SGTA: variants seen among roughly 807,000 people sequenced by gnomAD.
SGTA encodes the protein small glutamine-rich tetratricopeptide repeat-containing protein alpha.
A neutral mutation model predicts 44.3 loss-of-function variants in SGTA; 22 were observed. The ratio of observed to expected loss-of-function variants is 0.50; its 90% CI spans 0.36 to 0.71. The LOEUF is 0.71. Among genes scored for constraint, SGTA ranks in the 30% least tolerant of loss-of-function variants. SGTA has a pLI of 0.00. For synonymous variants in SGTA, 174 were observed against 177.6 expected (o/e 0.98, Z 0.16); for missense variants, 341 against 435.9 (o/e 0.78, Z 1.94).
chr19:2,762,919 G>A (rs1344323514), intron 6 of SGTA, among the ~76,000 whole-genome samples: 6 of 152,234 alleles, frequency 3.9e-5, no homozygotes, highest in African/African-American at 1.4e-4. Context: ...GCTGAGAGGA[G>A]GGAGCGGGCC....
chr19:2,763,551 A>AT lies in SGTA; in HGVS notation c.497+101dup, dbSNP rs957936265. 3.9e-6 allele frequency: 3 copies of AT among 770,870 alleles called. No individual in the cohort carries two copies. In the African/African-American group the frequency reaches 5.2e-5, roughly 13 times the overall value. The allele number at this position is 770,870 out of a possible 1,614,324, so 47.8% of individuals were successfully genotyped here. A position where few individuals can be genotyped will look rare whatever the true frequency, so the allele number is the denominator to read the frequency against. ...AGTTGAACTGAACCGGGGTGGGAGA[A>AT]TTCGTTGTGGGTGGGAAAAAAGCCA... On this transcript the variant is annotated intron_variant, in intron 6 of 11. Coordinates refer to ENST00000221566, the MANE Select transcript of SGTA (RefSeq NM_003021.4). The surrounding 1 kb of genome is among the most constrained non-coding windows in gnomAD (Gnocchi z 5.8).
At chr19:2,759,494 A>T (rs1914925807) in intron 8 of SGTA, 200 bp from the exon 9 acceptor site, 4 of 579,726 alleles carry the variant, frequency 6.9e-6, no homozygotes, top group Non-Finnish European at 1.2e-5. Flanking sequence ...CCACATTGTG[A>T]CTTAAATCCT....
At chr19:2,781,096 G>A (rs1289250312) in intron 1 of SGTA, among the ~76,000 whole-genome samples, 7 of 152,126 alleles carry the variant, frequency 4.6e-5, no homozygotes, top group Non-Finnish European at 7.4e-5. Flanking sequence ...CCACCCCTTT[G>A]TTCCTTCAGC....
chr19:2,766,455 G>A (rs1002275082), intron 4 of SGTA, among the ~76,000 whole-genome samples: 11 of 150,556 alleles, frequency 7.3e-5, no homozygotes, highest in African/African-American at 2.2e-4. Flanking sequence ...TTTTTGAGAC[G>A]GAGTTTCACT....
chr19:2,772,628 C>T (rs1273327168), intron 1 of SGTA, among the ~76,000 whole-genome samples: 1 of 152,218 alleles, frequency 6.6e-6, no homozygotes, highest in South Asian at 2.1e-4. Context: ...AAGATCTTGG[C>T]GGACAGAATT....
At chr19:2,759,430 T>C (rs1914922488) in intron 8 of SGTA, 136 bp from the exon 9 acceptor site, 1 of 772,848 alleles carries the variant, frequency 1.3e-6, no homozygotes, top group Non-Finnish European at 2.2e-6. Context: ...GGGCATTCGG[T>C]CTTTCATACC....
At chr19:2,771,951 T>C (rs1451394921) in intron 1 of SGTA, among the ~76,000 whole-genome samples, 2 of 152,208 alleles carry the variant, frequency 1.3e-5, no homozygotes, top group East Asian at 3.9e-4. Flanking sequence ...ATCCACTCCC[T>C]GTCCAGGGCC....
Position 2,756,824 on chromosome 19 carries a change from G to A in SGTA, c.*6+513C>T, listed in dbSNP as rs969822413. On this transcript the variant is annotated intron_variant, in intron 11 of 11. Coordinates refer to ENST00000221566, the MANE Select transcript of SGTA (RefSeq NM_003021.4). The stretch of plus-strand genomic sequence containing the variant: ...ACACTGAGTGTATTTTTAAACAACT[G>A]TAAGTGCAACACCTGCTCACAGTGA... 5.9e-5 allele frequency among the ~76,000 whole-genome samples: 9 copies of A among 152,144 alleles called. No individual in the cohort carries two copies. In the South Asian group the frequency reaches 1.2e-3, roughly 21 times the overall value.
Position 2,767,552 on chromosome 19 carries a change from C to A in SGTA, c.207+28G>T. 6.4e-7 allele frequency: 1 copy of A among 1,569,782 alleles called. No homozygotes were observed. Among genetic ancestry groups the A allele is most frequent in the Non-Finnish European group, 8.8e-7 (1 of 1,140,674 alleles). On this transcript the variant is annotated intron_variant, in intron 3 of 11. Transcript: ENST00000221566. The surrounding 1 kb of genome is among the most constrained non-coding windows in gnomAD (Gnocchi z 7.3). ...GCTGTTGCTGTTCTTATTTTGGGGG[C>A]AGTGGCTGGGGAAGCATCGAGGCTC...
chr19:2,769,165 C>T, intron 1 of SGTA, 74 bp from the exon 2 acceptor site: 2 of 836,548 alleles, frequency 2.4e-6, no homozygotes, highest in East Asian at 2.6e-5. Context: ...CTGCCCCTAA[C>T]TAGCTGGGCC....
intron 1 of SGTA, among the ~76,000 whole-genome samples, chr19:2,778,822 C>T (rs1177826587): frequency 6.6e-6 from 1 of 152,168 alleles, no homozygotes; most frequent in East Asian, 1.9e-4. Flanking sequence ...AATCCACACA[C>T]TAAGGGGAGA....
chr19:2,772,537 C>T (rs1915337626), intron 1 of SGTA, among the ~76,000 whole-genome samples: 1 of 152,230 alleles, frequency 6.6e-6, no homozygotes, highest in Non-Finnish European at 1.5e-5. Context: ...TGAATACTGT[C>T]GTGTGCTGAA....
chr19:2,776,681 A>G (rs1915452339), intron 1 of SGTA, among the ~76,000 whole-genome samples: 1 of 152,156 alleles, frequency 6.6e-6, no homozygotes, highest in Admixed American at 6.5e-5. Context: ...TAAGATGGTA[A>G]TTTTTGGCCT....
At chr19:2,776,308 A>T (rs1434784499) in intron 1 of SGTA, among the ~76,000 whole-genome samples, 2 of 152,254 alleles carry the variant, frequency 1.3e-5, no homozygotes, top group African/African-American at 4.8e-5. Flanking sequence ...CCAAGTGTCC[A>T]CGGACAGGTG....
rs752176915 is a variant in SGTA at position 2,761,527 on chromosome 19, G to A, written c.637-5C>T. 1.3e-6 allele frequency: 2 copies of A among 1,551,136 alleles called. No individual in the cohort carries two copies. Among genetic ancestry groups the A allele is most frequent in the African/African-American group, 2.7e-5 (2 of 72,998 alleles). On this transcript the variant is annotated splice_polypyrimidine_tract_variant and splice_region_variant and intron_variant, in intron 7 of 11. Coordinates refer to ENST00000221566, the MANE Select transcript of SGTA (RefSeq NM_003021.4). This position sits in a 1 kb window ranked among gnomAD's most constrained non-coding sequence, Gnocchi z 5.7. ...GAAGCTGCCCACGCCTCCCGTCTGA[G>A]GATGAGAACAGCCCTGGTTAGTGGG... is the stretch of plus-strand genomic sequence containing the variant.
rs1268272506 is a variant in SGTA, at chr19:2,767,524, C to T, written c.207+56G>A. ...GGGGCTCCTGGGGTCCCCAGGGCTG[C>T]CTGCTGTTGCTGTTCTTATTTTGGG... On this transcript the variant is annotated intron_variant, in intron 3 of 11. Coordinates refer to ENST00000221566, the MANE Select transcript of SGTA (RefSeq NM_003021.4). The surrounding 1 kb of genome is among the most constrained non-coding windows in gnomAD (Gnocchi z 7.3). The T allele has an allele frequency of 2.1e-6, 3 of 1,435,534 alleles. No individual in the cohort carries two copies. Among genetic ancestry groups the T allele is most frequent in the African/African-American group, 2.8e-5 (2 of 71,390 alleles). The allele number at this position is 1,435,534 out of a possible 1,614,324, so 88.9% of individuals were successfully genotyped here.
At chr19:2,766,957 C>T (rs1915159605) in intron 4 of SGTA, among the ~76,000 whole-genome samples, 179 bp downstream of exon 4, 1 of 152,028 alleles carries the variant, frequency 6.6e-6, no homozygotes, top group African/African-American at 2.4e-5. Context: ...TTCTCTGCAC[C>T]TCGCCAGTCC....
At chr19:2,775,793 C>A (rs1484927500) in intron 1 of SGTA, among the ~76,000 whole-genome samples, 1 of 152,112 alleles carries the variant, frequency 6.6e-6, no homozygotes, top group Non-Finnish European at 1.5e-5. Context: ...TGTGAAGGCA[C>A]CAAATGCCAC....
In SGTA at chr19:2,757,751, G is replaced by T. The variant is rs1478919047; in HGVS notation, c.769C>A (p.Pro257Thr). Residue 257 changes from proline (P) to threonine (T), a missense_variant, in exon 10 of 12, where the codon CCC becomes ACC. By Grantham distance (38) the Pro-to-Thr change is conservative. Coordinates refer to ENST00000221566, the MANE Select transcript of SGTA (RefSeq NM_003021.4). ...GGGCTGGTGCCGGGAGTTCCCAAGG[G>T]GTTGTTGCCACCCGAAATCATGCCG... ...MSGMISGGNN[P>T]LGTPGTSPSQ... 6.9e-6 allele frequency: 11 copies of T among 1,604,650 alleles called. No homozygotes were observed. The highest frequency in any genetic ancestry group is 9.4e-6 in the Non-Finnish European group (11 of 1,176,074).
Sources: gnomAD v4.1 joint callset for allele counts (sites outside exome capture counted in the v4.1 genomes callset) on GRCh38, gnomAD v4.1.1 for gene constraint, Gnocchi (gnomAD v3.1) non-coding constraint, MANE v1.5 for transcripts, NCBI Gene and HGNC (gene_info 2026-07-23, HGNC 2026-07-21) for gene names.